Variants in PPFIA4 observed in about 807,000 individuals in gnomAD.
The protein encoded by PPFIA4 is liprin-alpha-4.
Under a neutral mutation model 145.7 loss-of-function variants are expected in PPFIA4, and 98 were observed. The ratio of observed to expected loss-of-function variants is 0.67; its 90% confidence interval spans 0.57 to 0.80. PPFIA4 has a LOEUF of 0.80. Among genes scored for constraint, PPFIA4 ranks in the 30% least tolerant of loss-of-function variants. The pLI is 0.00. For synonymous variants in PPFIA4, 628 were observed against 649.6 expected, an observed-to-expected ratio of 0.97 and a Z score of 0.51; for missense variants, 1,457 against 1,632.7, an observed-to-expected ratio of 0.89 and a Z score of 1.85.
intron 13 of PPFIA4, 37 bp from the exon 14 acceptor site, chr1:203,051,732 C>T (rs1397607751): frequency 1.3e-6 from 2 of 1,579,006 alleles, no homozygotes; most frequent in Admixed American, 1.9e-5. Flanking sequence ...TCTCAGTCCT[C>T]AGGGCCTGTC....
intron 13 of PPFIA4, 100 bp from the exon 14 acceptor site, chr1:203,051,669 C>T: frequency 1.3e-6 from 2 of 1,505,058 alleles, no homozygotes; most frequent in Non-Finnish European, 1.8e-6. Context: ...GATGTCTCTT[C>T]TCTGAGCTGA....
In PPFIA4 at chr1:203,060,128, T is replaced by C; in HGVS notation, c.2584-89T>C. 1 of 1,291,678 alleles carries C rather than the reference T, an allele frequency of 7.7e-7. No individual in the cohort carries two copies. The highest frequency in any genetic ancestry group is 2.6e-4 in the Middle Eastern group (1 of 3,862). The allele number at this position is 1,291,678 out of a possible 1,614,324, so 80.0% of individuals were successfully genotyped here. A position where few individuals can be genotyped will look rare whatever the true frequency, so the allele number is the denominator to read the frequency against. On this transcript the variant is annotated intron_variant, in intron 21 of 29. Transcript: ENST00000295706. This position sits in a 1 kb window ranked among gnomAD's most constrained non-coding sequence, Gnocchi z 4.8. ...TGTATTTGCTATTCGAGTCCGTGGA[T>C]GAGGCCTGGCCCTTGCCCCTTGCTG...
chr1:203,045,975 C>T lies in PPFIA4; in HGVS notation c.993C>T (p.Ser331=). 1.9e-6 allele frequency: 3 copies of T among 1,612,686 alleles called. No homozygotes were observed. The highest frequency in any genetic ancestry group is 1.7e-6 in the Non-Finnish European group (2 of 1,179,872). ...KLENELANKE[S]LHRQCEEKAR... is the part of the protein sequence containing the mutation. Reference sequence around the variant, plus strand: ...AGAATGAGCTGGCCAACAAGGAGTCCCTGCACCGCCAGGTACCTCCTCAGG... The same window carrying T: ...AGAATGAGCTGGCCAACAAGGAGTCTCTGCACCGCCAGGTACCTCCTCAGG... The change falls in exon 8 of 30, where the codon TCC becomes TCT. Residue 331 remains serine (S), a synonymous_variant. Transcript: ENST00000295706.
At chr1:203,041,363 G>A (rs1439841751) in intron 2 of PPFIA4, among the ~76,000 whole-genome samples, 1 of 152,220 alleles carries the variant, frequency 6.6e-6, no homozygotes, top group African/African-American at 2.4e-5. Context: ...AGGCTGAGGT[G>A]GATGGACTGC....
chr1:203,063,757 G>C, intron 24 of PPFIA4, 71 bp from the exon 25 acceptor site: 2 of 1,533,894 alleles, frequency 1.3e-6, no homozygotes, highest in Non-Finnish European at 1.8e-6. Flanking sequence ...CTCCCGACCA[G>C]CTATACCAGC....
rs1365681753 is a variant in PPFIA4 at position 203,056,879 on chromosome 1, T to C, written c.2336T>C (p.Ile779Thr). 4 of 1,613,956 alleles carry C rather than the reference T, an allele frequency of 2.5e-6. No individual in the cohort carries two copies. The highest frequency in any genetic ancestry group is 1.7e-5 in the Admixed American group (1 of 60,016). Residue 779 changes from isoleucine (I) to threonine (T), a missense_variant, in exon 19 of 30, where the codon ATT becomes ACT. Physicochemically the swap from Ile to Thr is moderately conservative, Grantham distance 89. Transcript: ENST00000295706. ...GAKRKGIKSS[I>T]GRLFGKKEKG... ...AAGCGCAAGGGCATCAAGTCGTCCATTGGCCGCCTGTTTGGGAAGAAGGAG... is the reference window on the plus strand; with the variant it reads ...AAGCGCAAGGGCATCAAGTCGTCCACTGGCCGCCTGTTTGGGAAGAAGGAG...
Position 203,054,331 on chromosome 1 carries a change from G to A in PPFIA4, c.1829+370G>A, listed in dbSNP as rs186099027. 5.9e-5 allele frequency among the ~76,000 whole-genome samples: 9 copies of A among 152,342 alleles called. No individual in the cohort carries two copies. In the East Asian group the frequency reaches 1.7e-3, roughly 29 times the overall value. ...TGTCCATCTTACCACAGTGCCTGAG[G>A]TAGGCAGCATGATCCCTGTTTTACA... On this transcript the variant is annotated intron_variant, in intron 15 of 29. Coordinates refer to ENST00000295706, the MANE Select transcript of PPFIA4 (RefSeq NM_001304331.2).
At chr1:203,074,100 G>A (rs1399834125) in intron 28 of PPFIA4, among the ~76,000 whole-genome samples, 1 of 152,180 alleles carries the variant, frequency 6.6e-6, no homozygotes, top group Non-Finnish European at 1.5e-5. Flanking sequence ...ATGGAGGTAG[G>A]GAGAAGGGAA....
Position 203,075,226 on chromosome 1 carries a change from G to C in PPFIA4, c.3394-351G>C, listed in dbSNP as rs1415719152. On this transcript the variant is annotated intron_variant, in intron 28 of 29. Transcript: ENST00000295706. This position sits in a 1 kb window ranked among gnomAD's most constrained non-coding sequence, Gnocchi z 4.1. The stretch of plus-strand genomic sequence containing the variant: ...CTGTCACCTCCCATGGGCTGAGGCA[G>C]AGGAATGCCTTGAAAGGTGAATGGT... 6.6e-6 allele frequency among the ~76,000 whole-genome samples: 1 copy of C among 152,118 alleles called. No individual in the cohort carries two copies. The highest frequency in any genetic ancestry group is 1.5e-5 in the Non-Finnish European group (1 of 68,008).
rs1553257080 is a variant in PPFIA4 at position 203,052,052 on chromosome 1, C to CCCCG, written c.1620+178_1620+179insGCCC. ...GTCAGCTGCAACAGCTGTGCCCCCCCCCCCGCTTGCCTTGGCCTCCTGGTG... is the reference window on the plus strand; with the variant it reads ...GTCAGCTGCAACAGCTGTGCCCCCCCCCCGCCCCGCTTGCCTTGGCCTCCTGGTG... On this transcript the variant is annotated intron_variant, in intron 14 of 29. Transcript: ENST00000295706. Among the ~76,000 whole-genome samples, 25 of 140,152 alleles carry CCCCG rather than the reference C, an allele frequency of 1.8e-4. 1 individual carries two copies. In the East Asian group the frequency reaches 4.5e-3, roughly 25 times the overall value. The allele number at this position is 140,152 out of a possible 152,430, so 91.9% of individuals were successfully genotyped here.
At chr1:203,057,958 G>A (rs904429425) in intron 19 of PPFIA4, among the ~76,000 whole-genome samples, 7 of 152,152 alleles carry the variant, frequency 4.6e-5, no homozygotes, top group Non-Finnish European at 7.4e-5. Context: ...CATATTCTGA[G>A]TTGAGAAGGA....
At chr1:203,071,792 G>A (rs1439517859) in intron 28 of PPFIA4, 32 bp downstream of exon 28, 1 of 1,569,408 alleles carries the variant, frequency 6.4e-7, no homozygotes, top group Middle Eastern at 1.7e-4. Flanking sequence ...AGGAGCCTTG[G>A]GGATTTGGTC....
At position 203,060,361 on chromosome 1, in the gene PPFIA4, G is replaced by C; in HGVS notation, c.2728G>C (p.Ala910Pro). ...CCTGCACCGGCTCAAGCTCCGCCTG[G>C]CCATTCAGGAGATGGTGTCATTGAC... Reference protein sequence around the residue: ...NALHRLKLRLAIQEMVSLTSP... With the variant: ...NALHRLKLRLPIQEMVSLTSP... The change falls in exon 22 of 30, where the codon GCC (alanine) becomes CCC (proline). Residue 910 changes from alanine to proline, a missense_variant. Physicochemically the swap from Ala to Pro is conservative, Grantham distance 27. Transcript: ENST00000295706. This position sits in a 1 kb window ranked among gnomAD's most constrained non-coding sequence, Gnocchi z 4.8. 6.2e-7 allele frequency: 1 copy of C among 1,613,988 alleles called. No homozygotes were observed. The highest frequency in any genetic ancestry group is 8.5e-7 in the Non-Finnish European group (1 of 1,179,914).
At position 203,076,391 on chromosome 1, in the gene PPFIA4, C is replaced by T; in HGVS notation, c.*1C>T. The T allele has an allele frequency of 1.9e-6, 3 of 1,608,374 alleles. No homozygotes were observed. The highest frequency in any genetic ancestry group is 2.5e-6 in the Non-Finnish European group (3 of 1,179,664). ...CATGCTCTCCGCCTTCCGGGACTAGCCATGGCCCCCAGGGCTGGCTTCCTC... is the reference window on the plus strand; with the variant it reads ...CATGCTCTCCGCCTTCCGGGACTAGTCATGGCCCCCAGGGCTGGCTTCCTC... On this transcript the variant is annotated 3_prime_UTR_variant, in exon 30 of 30. Transcript: ENST00000295706.
At position 203,039,065 on chromosome 1, in the gene PPFIA4, C is replaced by T. The variant is rs546001209; in HGVS notation, c.57C>T (p.Gly19=). The change falls in exon 2 of 30, where the codon GGC becomes GGT. Residue 19 remains glycine, a synonymous_variant. Coordinates refer to ENST00000295706, the MANE Select transcript of PPFIA4 (RefSeq NM_001304331.2). ...GGGACCGCCTGGGTCCCCCTCATGG[C>T]GCCGATGCTGACGCCAACTTCGAGC... ...NEGDRLGPPH[G]ADADANFEQL... The T allele has an allele frequency of 2.1e-5, 33 of 1,602,592 alleles. No individual in the cohort carries two copies. Among genetic ancestry groups the T allele is most frequent in the Admixed American group, 1.7e-4 (10 of 58,282 alleles).
At chr1:203,042,822 C>T (rs997440525) in intron 2 of PPFIA4, among the ~76,000 whole-genome samples, 7 of 151,982 alleles carry the variant, frequency 4.6e-5, no homozygotes, top group East Asian at 1.9e-4. Flanking sequence ...TATTTTTAGT[C>T]GAGACAGGGT....
rs537498674 is a variant in PPFIA4, at chr1:203,048,308, C to A, written c.1222C>A (p.Arg408=). 2.2e-5 allele frequency: 36 copies of A among 1,612,158 alleles called. No individual in the cohort carries two copies. Among genetic ancestry groups the A allele is most frequent in the Non-Finnish European group, 2.9e-5 (34 of 1,179,676 alleles). The change falls in exon 10 of 30, where the codon CGG becomes AGG. Residue 408 remains arginine, a splice_region_variant and synonymous_variant. Transcript: ENST00000295706. The surrounding 1 kb of genome is among the most constrained non-coding windows in gnomAD (Gnocchi z 5.8). ...GGAGGAGAAGAACCAGGAGCTGGCA[C>A]GGGTGAGGGCACCAGGCCGGGCCCT... ...QLEEKNQELA[R]VRQREKMNED... is the part of the protein sequence containing the mutation.
At chr1:203,061,817 T>A (rs1661382492) in intron 24 of PPFIA4, 139 bp downstream of exon 24, 8 of 858,304 alleles carry the variant, frequency 9.3e-6, no homozygotes, top group African/African-American at 1.8e-5. Context: ...CCCATCAGAG[T>A]GCCCCCCGCC....
At chr1:203,052,516 C>T (rs1057342252) in intron 14 of PPFIA4, among the ~76,000 whole-genome samples, 4 of 152,124 alleles carry the variant, frequency 2.6e-5, no homozygotes, top group Non-Finnish European at 4.4e-5. Flanking sequence ...GAGGGAACTC[C>T]TAGTCTCAGG....
Sources: allele counts gnomAD v4.1 joint callset (sites outside exome capture counted in the v4.1 genomes callset), GRCh38; gene constraint gnomAD v4.1.1; non-coding constraint Gnocchi (gnomAD v3.1); transcripts MANE v1.5; gene names NCBI Gene and HGNC (gene_info 2026-07-23, HGNC 2026-07-21).